The following MYO18A variants were observed in gnomAD, a reference collection of about 807,000 sequenced individuals.
The protein encoded by MYO18A is myosin XVIIIA.
MYO18A carries 78 observed loss-of-function variants against 235.8 expected under a neutral mutation model. That is an observed-to-expected ratio of 0.33 (90% CI 0.28 to 0.40). The LOEUF (loss-of-function observed/expected upper bound fraction) is 0.40. Among genes scored for constraint, MYO18A ranks in the 10% least tolerant of loss-of-function variants. The pLI is 1.00. For missense variants in MYO18A, 2,215 were observed against 2,699.3 expected (o/e 0.82, Z 3.98); for synonymous variants, 977 against 1,077.8 (o/e 0.91, Z 1.83).
At chr17:29,075,688 G>C (rs1234433197) in intron 41 of MYO18A, 3 of 164,450 alleles carry the variant, frequency 1.8e-5, no homozygotes. Context: ...ACTGAACAGG[G>C]AAGAGGGGAC....
In MYO18A at chr17:29,140,520, G is replaced by A. The variant is rs978137117; in HGVS notation, c.1000-18267C>T. The A allele has an allele frequency of 8.9e-6, 7 of 786,988 alleles. No individual in the cohort carries two copies. The highest frequency in any genetic ancestry group is 1.2e-5 in the Non-Finnish European group (7 of 587,616). 48.8% of individuals were successfully genotyped at this position (786,988 alleles called of 1,614,324 possible). On this transcript the variant is annotated intron_variant, in intron 2 of 41. Coordinates refer to ENST00000527372, the MANE Select transcript of MYO18A (RefSeq NM_078471.4). This position sits in a 1 kb window ranked among gnomAD's most constrained non-coding sequence, Gnocchi z 4.2. ...GAGCCAGCAGCCCGGAGGACTTCGG[G>A]TATCAGGTATGCCAGGAGGGAGAGG...
intron 2 of MYO18A, among the ~76,000 whole-genome samples, chr17:29,142,106 G>A (rs1192901345): frequency 3.3e-5 from 5 of 152,128 alleles, no homozygotes; most frequent in South Asian, 2.1e-4. Flanking sequence ...CACCATGCCC[G>A]GCTAATTTTT....
At chr17:29,156,302 C>T (rs1247466784) in intron 2 of MYO18A, among the ~76,000 whole-genome samples, 3 of 152,176 alleles carry the variant, frequency 2.0e-5, no homozygotes, top group Non-Finnish European at 4.4e-5. Flanking sequence ...ACTGCGTAGC[C>T]CCCATGTAAT....
chr17:29,100,966 C>A (rs1187740812), intron 21 of MYO18A, among the ~76,000 whole-genome samples: 1 of 152,210 alleles, frequency 6.6e-6, no homozygotes, highest in Non-Finnish European at 1.5e-5. Flanking sequence ...TGGGGTTTCC[C>A]ATGGGTCTTA....
At chr17:29,129,191 C>T (rs780145120) in intron 2 of MYO18A, 34 of 1,079,612 alleles carry the variant, frequency 3.1e-5, no homozygotes, top group East Asian at 5.9e-5. Context: ...CAGCGTCCCT[C>T]GTCTGCGGCC....
chr17:29,092,311 C>T (rs772977323), intron 34 of MYO18A, 32 bp downstream of exon 34: 115 of 1,551,736 alleles, frequency 7.4e-5, no homozygotes, highest in Middle Eastern at 3.4e-4. Flanking sequence ...CTCAGCCCCC[C>T]GAGCTCTGCC....
chr17:29,101,278 A>T (rs561768624), intron 21 of MYO18A, among the ~76,000 whole-genome samples: 1 of 151,190 alleles, frequency 6.6e-6, no homozygotes, highest in African/African-American at 2.4e-5. Flanking sequence ...GATTACAGAC[A>T]TGAGCTGCTG....
chr17:29,179,274 C>A (rs1052128192), intron 1 of MYO18A, among the ~76,000 whole-genome samples: 3 of 151,788 alleles, frequency 2.0e-5, no homozygotes, highest in African/African-American at 4.8e-5. Flanking sequence ...CCCCACCCCC[C>A]ACCTCTAGCT....
intron 1 of MYO18A, among the ~76,000 whole-genome samples, chr17:29,169,835 G>A (rs1350517526): frequency 6.6e-6 from 1 of 152,006 alleles, no homozygotes; most frequent in East Asian, 1.9e-4. Context: ...CCCAATCCTG[G>A]CTCTTTGCTG....
chr17:29,147,583 G>A (rs896787467), intron 2 of MYO18A, among the ~76,000 whole-genome samples: 1 of 151,810 alleles, frequency 6.6e-6, no homozygotes, highest in South Asian at 2.1e-4. Flanking sequence ...GAGGAGAAAG[G>A]AGGCTGGAAG....
Position 29,122,227 on chromosome 17 carries a change from T to G in MYO18A, c.1026A>C (p.Ala342=). 1 of 1,613,432 alleles carries G rather than the reference T, an allele frequency of 6.2e-7. No homozygotes were observed. Among genetic ancestry groups the G allele is most frequent in the Non-Finnish European group, 8.5e-7 (1 of 1,179,684 alleles). The change falls in exon 3 of 42, where the codon GCA becomes GCC. Residue 342 remains alanine, a synonymous_variant. Transcript: ENST00000527372. ...TCTCCGTCTCATTCCAGGCCTCTTC[T>G]GCTGCAATCTGTTCTTCTGTTTTCG... is the stretch of plus-strand genomic sequence containing the variant. ...SDAKTEEQIA[A]EEAWNETEKV...
intron 18 of MYO18A, 121 bp from the exon 19 acceptor site, chr17:29,110,222 A>G: frequency 7.1e-7 from 1 of 1,416,528 alleles, no homozygotes; most frequent in Non-Finnish European, 9.5e-7. Flanking sequence ...CAGCCAGGAC[A>G]TGCTAAACCT....
chr17:29,087,152 G>A (rs1449940829), intron 37 of MYO18A, 31 bp from the exon 38 acceptor site: 2 of 1,595,804 alleles, frequency 1.3e-6, no homozygotes, highest in Non-Finnish European at 1.7e-6. Flanking sequence ...GAAAGACACA[G>A]CAGGCAGGCC....
chr17:29,147,890 A>AC, intron 2 of MYO18A, among the ~76,000 whole-genome samples: 1 of 53,168 alleles, frequency 1.9e-5, no homozygotes, highest in Admixed American at 1.4e-4. Flanking sequence ...CCTGGGTGAC[A>AC]AAAAAAAAAA....
rs550165886 is a variant in MYO18A at position 29,140,922 on chromosome 17, A to G, written c.1000-18669T>C. 6.6e-6 allele frequency among the ~76,000 whole-genome samples: 1 copy of G among 152,328 alleles called. No individual in the cohort carries two copies. Among genetic ancestry groups the G allele is most frequent in the African/African-American group, 2.4e-5 (1 of 41,584 alleles). Reference sequence around the variant, plus strand: ...TACTGCGGCAGAGGCCAAGACAGCCACTAACGTCACATCCAAGACAGCACA... The same window carrying G: ...TACTGCGGCAGAGGCCAAGACAGCCGCTAACGTCACATCCAAGACAGCACA... On this transcript the variant is annotated intron_variant, in intron 2 of 41. Coordinates refer to ENST00000527372, the MANE Select transcript of MYO18A (RefSeq NM_078471.4). This position sits in a 1 kb window ranked among gnomAD's most constrained non-coding sequence, Gnocchi z 4.2.
Position 29,098,181 on chromosome 17 carries a change from C to T in MYO18A, c.3914G>A (p.Gly1305Glu). The change falls in exon 25 of 42, where the codon GGA (glycine) becomes GAA (glutamate). Residue 1305 changes from glycine to glutamate, a missense_variant. Transcript: ENST00000527372. ...TSELTDERNT[G>E]ESASQLLDAE... ...GTCCAGCAGCTGGGAGGCGGACTCTCCTGTGTTACGCTCATCTGTCAGCTC... is the reference window on the plus strand; with the variant it reads ...GTCCAGCAGCTGGGAGGCGGACTCTTCTGTGTTACGCTCATCTGTCAGCTC... 6.2e-7 allele frequency: 1 copy of T among 1,614,002 alleles called. No individual in the cohort carries two copies. Among genetic ancestry groups the T allele is most frequent in the East Asian group, 2.2e-5 (1 of 44,892 alleles).
rs1211459494 is a variant in MYO18A at position 29,120,641 on chromosome 17, C to G, written c.1703G>C (p.Gly568Ala). 16 of 1,613,738 alleles carry G rather than the reference C, an allele frequency of 9.9e-6. No homozygotes were observed. Among genetic ancestry groups the G allele is most frequent in the Non-Finnish European group, 1.2e-5 (14 of 1,179,814 alleles). Residue 568 changes from glycine to alanine, a missense_variant, in exon 7 of 42, where the codon GGC (glycine) becomes GCC (alanine). By Grantham distance (60) the Gly-to-Ala change is moderately conservative. Coordinates refer to ENST00000527372, the MANE Select transcript of MYO18A (RefSeq NM_078471.4). This position sits in a 1 kb window ranked among gnomAD's most constrained non-coding sequence, Gnocchi z 4.2. ...CTGAATGGAGGCTGAGGCCACCTGG[C>G]CAGCTTGGTCAAAGTCCAGGGAGAG... ...QILSLDFDQA[G>A]QVASASIQTM...
At position 29,154,121 on chromosome 17, in the gene MYO18A, T is replaced by TGTGTGTGTGTGCGCGCGC. The variant is rs142430455; in HGVS notation, c.999+11820_999+11821insGCGCGCGCACACACACAC. 6.0e-5 allele frequency among the ~76,000 whole-genome samples: 9 copies of TGTGTGTGTGTGCGCGCGC among 149,000 alleles called. No individual in the cohort carries two copies. The East Asian group carries it at 8.0e-4, about 13-fold the overall frequency. On this transcript the variant is annotated intron_variant, in intron 2 of 41. Coordinates refer to ENST00000527372, the MANE Select transcript of MYO18A (RefSeq NM_078471.4). ...TGCAGAGTGTGTGTGTGTGTGTGTG[T>TGTGTGTGTGTGCGCGCGC]GCGCGCGCGTGCGTGTGTATGTGGC...
intron 41 of MYO18A, chr17:29,080,201 C>A: frequency 1.0e-6 from 1 of 986,046 alleles, no homozygotes; most frequent in Non-Finnish European, 1.2e-6. Context: ...TCATCCTCCT[C>A]GGAGTCGGGC....
Sources: gnomAD v4.1 joint callset for allele counts (sites outside exome capture counted in the v4.1 genomes callset) on GRCh38, gnomAD v4.1.1 for gene constraint, Gnocchi (gnomAD v3.1) non-coding constraint, MANE v1.5 for transcripts, NCBI Gene and HGNC (gene_info 2026-07-23, HGNC 2026-07-21) for gene names.